C19orf47: variants seen among roughly 807,000 people sequenced by gnomAD.
C19orf47 encodes uncharacterized protein C19orf47.
A neutral mutation model predicts 32.3 loss-of-function variants in C19orf47; 18 were observed. The ratio of observed to expected loss-of-function variants is 0.56; its 90% confidence interval spans 0.39 to 0.83. The LOEUF is 0.83. Ranked by LOEUF, C19orf47 falls within the 40% of genes least tolerant of loss-of-function variation. C19orf47 has a pLI of 0.00. For missense variants in C19orf47, 484 were observed against 531.6 expected (o/e 0.91, Z 0.88); for synonymous variants, 202 against 211.1 (o/e 0.96, Z 0.37).
At chr19:40,337,694 T>C (rs546293875) in intron 2 of C19orf47, among the ~76,000 whole-genome samples, 350 of 152,282 alleles carry the variant, frequency 2.3e-3, no homozygotes, top group African/African-American at 7.6e-3. Flanking sequence ...GACACACAGG[T>C]GTTACACGAG....
chr19:40,336,769 G>A (rs1377699310), intron 2 of C19orf47, among the ~76,000 whole-genome samples: 1 of 152,170 alleles, frequency 6.6e-6, no homozygotes, highest in African/African-American at 2.4e-5. Flanking sequence ...GCCCATGACT[G>A]ATTTAGGGTA....
downstream of C19orf47, among the ~76,000 whole-genome samples, chr19:40,319,326 G>T (rs913475358): frequency 8.4e-5 from 1 of 11,912 alleles, no homozygotes; most frequent in East Asian, 1.8e-3. Flanking sequence ...TAAATTTCAC[G>T]AGGTATATTT....
Position 40,326,337 on chromosome 19 carries a change from T to C in C19orf47, c.589A>G (p.Lys197Glu), listed in dbSNP as rs1218961882. ...CATGCCCCTGATGGGCCAGTACCTT[T>C]TGCAGCCTGCTGCTGCTCCAGGATC... ...RKILEQQQAA[K>E]GLHRTSVFDR... The change falls in exon 7 of 9, where the codon AAA (lysine) becomes GAA (glutamate). Residue 197 changes from lysine to glutamate, a missense_variant. Physicochemically the swap from Lys to Glu is moderately conservative, Grantham distance 56. Around this residue, in one of 3 missense-constraint regions of C19orf47, gnomAD observed 376 missense variants for 370.2 expected, o/e 1.02. Coordinates refer to ENST00000683109, the MANE Select transcript of C19orf47 (RefSeq NM_001256441.2). 10 of 1,614,032 alleles carry C rather than the reference T, an allele frequency of 6.2e-6. No individual in the cohort carries two copies. The highest frequency in any genetic ancestry group is 8.5e-6 in the Non-Finnish European group (10 of 1,180,024).
the C19orf47 span, among the ~76,000 whole-genome samples, chr19:40,308,629 A>G: frequency 6.7e-6 from 1 of 150,236 alleles, no homozygotes; most frequent in African/African-American, 2.5e-5. Flanking sequence ...ACACCTGACA[A>G]ATTTTTGTGT....
At chr19:40,294,730 G>T in the C19orf47 span, among the ~76,000 whole-genome samples, 1 of 152,210 alleles carries the variant, frequency 6.6e-6, no homozygotes, top group Non-Finnish European at 1.5e-5. Flanking sequence ...TGCCAGCTGA[G>T]GGTGCAAGTG....
At chr19:40,322,507 T>C (rs1243530221) in intron 8 of C19orf47, 131 bp from the exon 9 acceptor site, 4 of 1,174,450 alleles carry the variant, frequency 3.4e-6, no homozygotes, top group Non-Finnish European at 1.2e-6. Flanking sequence ...ACACCCCAGA[T>C]AGTGGCGAGA....
At chr19:40,322,825 T>C (rs545509642) in intron 8 of C19orf47, among the ~76,000 whole-genome samples, 1 of 152,328 alleles carries the variant, frequency 6.6e-6, no homozygotes, top group African/African-American at 2.4e-5. Context: ...GCCTCAGCGC[T>C]GCCCGCATGG....
intron 2 of C19orf47, among the ~76,000 whole-genome samples, chr19:40,338,364 A>T (rs12461538): frequency 4.1e-5 from 6 of 146,114 alleles, no homozygotes; most frequent in African/African-American, 1.5e-4. Context: ...CACACACACA[A>T]ATACATATAT....
At position 40,333,863 on chromosome 19, in the gene C19orf47, G is replaced by A. The variant is rs530863956; in HGVS notation, c.289C>T (p.Arg97Cys). Residue 97 changes from arginine (R) to cysteine (C), a missense_variant, in exon 5 of 9, where the codon CGT (arginine) becomes TGT (cysteine). By Grantham distance (180) the Arg-to-Cys change is radical. Around this residue, in one of 3 missense-constraint regions of C19orf47, gnomAD observed 376 missense variants for 370.2 expected, o/e 1.02. Transcript: ENST00000683109. ...SPSPLAGEIRRGTSAASRMIT... is the reference protein window; with the variant it reads ...SPSPLAGEIRCGTSAASRMIT... Reference sequence around the variant, plus strand: ...AGTTAGGACTCACCACTGGTGCCACGGCGAATTTCGCCTGCAAGGGGGCTA... The same window carrying A: ...AGTTAGGACTCACCACTGGTGCCACAGCGAATTTCGCCTGCAAGGGGGCTA... 3.6e-5 allele frequency: 56 copies of A among 1,574,102 alleles called. No individual in the cohort carries two copies. The highest frequency in any genetic ancestry group is 3.5e-4 in the South Asian group (30 of 85,878).
In C19orf47 at chr19:40,322,135, C is replaced by A. The variant is rs1277257358; in HGVS notation, c.905G>T (p.Gly302Val). Residue 302 changes from glycine (G) to valine (V), a missense_variant, in exon 9 of 9, where the codon GGG becomes GTG. Gly to Val is a moderately radical substitution (Grantham distance 109). Transcript: ENST00000683109. ...LRRLALSSRS[G>V]LERKPESLSK... is the part of the protein sequence containing the mutation. ...CAAGGACTCCGGCTTCCTCTCAAGC[C>A]CAGACCGTGAGGAAAGCGCCAGGCG... 2.5e-6 allele frequency: 4 copies of A among 1,613,918 alleles called. No homozygotes were observed. The African/African-American group carries it at 4.0e-5, about 16-fold the overall frequency.
chr19:40,330,390 G>A (rs945320780), intron 5 of C19orf47, among the ~76,000 whole-genome samples: 5 of 151,496 alleles, frequency 3.3e-5, no homozygotes, highest in African/African-American at 7.3e-5. Flanking sequence ...CACCATGCCC[G>A]GCTAATTTTT....
At chr19:40,328,664 A>G in intron 5 of C19orf47, 114 bp from the exon 6 acceptor site, 2 of 1,366,060 alleles carry the variant, frequency 1.5e-6, no homozygotes, top group Non-Finnish European at 2.0e-6. Flanking sequence ...TGAGAAGGTC[A>G]GCGGGTATCA....
chr19:40,314,046 G>A, the C19orf47 span, among the ~76,000 whole-genome samples: 7 of 152,172 alleles, frequency 4.6e-5, no homozygotes, highest in Admixed American at 1.3e-4. Flanking sequence ...CAGGCTCCTT[G>A]GAAAAATGGT....
In C19orf47 at chr19:40,321,693, A is replaced by G; in HGVS notation, c.*189T>C. On this transcript the variant is annotated 3_prime_UTR_variant, in exon 9 of 9. Transcript: ENST00000683109. Reference sequence around the variant, plus strand: ...GGGGAGTCCTGGAGCAGGCCAGGCCAGCTGCGACGACCATCCCAGGCTAGG... The same window carrying G: ...GGGGAGTCCTGGAGCAGGCCAGGCCGGCTGCGACGACCATCCCAGGCTAGG... 7.1e-7 allele frequency: 1 copy of G among 1,418,142 alleles called. No individual in the cohort carries two copies. Among genetic ancestry groups the G allele is most frequent in the Non-Finnish European group, 9.2e-7 (1 of 1,091,978 alleles). The allele number at this position is 1,418,142 out of a possible 1,614,324, so 87.8% of individuals were successfully genotyped here. A position where few individuals can be genotyped will look rare whatever the true frequency, so the allele number is the denominator to read the frequency against.
the C19orf47 span, among the ~76,000 whole-genome samples, chr19:40,310,750 T>C: frequency 6.6e-6 from 1 of 152,164 alleles, no homozygotes; most frequent in Non-Finnish European, 1.5e-5. Flanking sequence ...TAAGAAAATA[T>C]AATTATGTTT....
intron 2 of C19orf47, among the ~76,000 whole-genome samples, chr19:40,337,447 A>G (rs758399292): frequency 1.3e-5 from 2 of 151,472 alleles, no homozygotes; most frequent in Admixed American, 6.6e-5. Flanking sequence ...ACTGACCCCA[A>G]CCTGCCAGGC....
chr19:40,299,136 ATCTTT>A, the C19orf47 span, among the ~76,000 whole-genome samples: 1 of 152,094 alleles, frequency 6.6e-6, no homozygotes, highest in Non-Finnish European at 1.5e-5. Context: ...CTTTCATGTT[ATCTTT>A]TATCAGGCCT....
In C19orf47 at chr19:40,348,374, G is replaced by A. The variant is rs2078376051; in HGVS notation, c.-84C>T. ...CGCGCCGCCCGCCCTCCCTCCCGGC[G>A]GCGCCAACTGTCAGACACTCCTCCC... On this transcript the variant is annotated 5_prime_UTR_variant, in exon 1 of 9. Coordinates refer to ENST00000683109, the MANE Select transcript of C19orf47 (RefSeq NM_001256441.2). 7.3e-7 allele frequency: 1 copy of A among 1,371,008 alleles called. No individual in the cohort carries two copies. Among genetic ancestry groups the A allele is most frequent in the Non-Finnish European group, 9.5e-7 (1 of 1,055,878 alleles). 84.9% of individuals were successfully genotyped at this position (1,371,008 alleles called of 1,614,324 possible).
At chr19:40,293,421 C>T in the C19orf47 span, among the ~76,000 whole-genome samples, 3 of 151,824 alleles carry the variant, frequency 2.0e-5, no homozygotes, top group Non-Finnish European at 4.4e-5. Context: ...GCTGGGATTA[C>T]AGGCATGAGC....
Sources: allele counts gnomAD v4.1 joint callset (sites outside exome capture counted in the v4.1 genomes callset), GRCh38; gene constraint gnomAD v4.1.1; regional missense constraint gnomAD v4.1.1; transcripts MANE v1.5; gene names NCBI Gene and HGNC (gene_info 2026-07-23, HGNC 2026-07-21).